The following TRMU variants were observed in gnomAD, a reference collection of about 807,000 sequenced individuals.
The protein encoded by TRMU is tRNA mitochondrial 2-thiouridylase, also known as mitochondrial tRNA-specific 2-thiouridylase 1.
TRMU carries 49 observed loss-of-function variants against 46.9 expected under a neutral mutation model. The observed-to-expected ratio is 1.05, with a 90% confidence interval of 0.83 to 1.33. The LOEUF is 1.33. Ranked by LOEUF, TRMU falls within the 40% of genes most tolerant of loss-of-function variation. TRMU has a pLI of 0.00. For synonymous variants in TRMU, 241 were observed against 200.9 expected, an observed-to-expected ratio of 1.20 and a Z score of -1.69; for missense variants, 572 against 532.4, an observed-to-expected ratio of 1.07 and a Z score of -0.73.
chr22:46,343,465 A>G, intron 3 of TRMU, 97 bp downstream of exon 3: 1 of 885,324 alleles, frequency 1.1e-6, no homozygotes, highest in Non-Finnish European at 1.8e-6. Context: ...GACTCACTGC[A>G]GCCTCGACCT....
At chr22:46,344,313 G>A (rs1308366142) in intron 3 of TRMU, among the ~76,000 whole-genome samples, 1 of 152,198 alleles carries the variant, frequency 6.6e-6, no homozygotes, top group South Asian at 2.1e-4. Flanking sequence ...TGTCTAGGAA[G>A]GGGTGATGCG....
At chr22:46,343,216 A>G (rs755160057) in intron 2 of TRMU, 46 bp from the exon 3 acceptor site, 14 of 1,082,374 alleles carry the variant, frequency 1.3e-5, no homozygotes, top group South Asian at 1.4e-5. Flanking sequence ...TTTTTTTTTG[A>G]GGAATGTTTC....
At chr22:46,352,881 CAG>C (rs1201891343) in intron 7 of TRMU, 2 of 228,076 alleles carry the variant, frequency 8.8e-6, no homozygotes, top group Non-Finnish European at 8.8e-6. Flanking sequence ...GCTGTGGGGA[CAG>C]AGTGCAGCCA....
At chr22:46,352,096 C>A in intron 5 of TRMU, 25 bp from the exon 6 acceptor site, 2 of 1,612,174 alleles carry the variant, frequency 1.2e-6, no homozygotes, top group Non-Finnish European at 1.7e-6. Context: ...CTGCTCCTCT[C>A]ACGGCTGCCG....
chr22:46,355,244 C>T (rs1276316911), intron 8 of TRMU, 200 bp from the exon 9 acceptor site: 5 of 760,126 alleles, frequency 6.6e-6, no homozygotes, highest in Non-Finnish European at 8.6e-6. Flanking sequence ...GGGCCTTAGT[C>T]TCCTCATCTG....
chr22:46,336,170 C>A lies in TRMU; in HGVS notation c.82+324C>A. Reference sequence around the variant, plus strand: ...GGGTTTCTCACGGATCTGCGGCGTCCACATTCACCTGTGAGACCGTGGACA... The same window carrying A: ...GGGTTTCTCACGGATCTGCGGCGTCAACATTCACCTGTGAGACCGTGGACA... On this transcript the variant is annotated intron_variant, in intron 1 of 10. Coordinates refer to ENST00000645190, the MANE Select transcript of TRMU (RefSeq NM_018006.5). The surrounding 1 kb of genome is among the most constrained non-coding windows in gnomAD (Gnocchi z 4.1). The A allele has an allele frequency of 8.1e-7, 1 of 1,238,404 alleles. No homozygotes were observed. The highest frequency in any genetic ancestry group is 4.6e-5 in the East Asian group (1 of 21,788). The allele number at this position is 1,238,404 out of a possible 1,614,324, so 76.7% of individuals were successfully genotyped here. A position where few individuals can be genotyped will look rare whatever the true frequency, so the allele number is the denominator to read the frequency against.
intron 9 of TRMU, 188 bp downstream of exon 9, chr22:46,355,776 G>A (rs565658751): frequency 9.2e-7 from 1 of 1,092,640 alleles, no homozygotes; most frequent in Non-Finnish European, 1.3e-6. Context: ...GGTGCTGGGA[G>A]CAGATGCAGG....
chr22:46,350,229 G>T lies in TRMU; in HGVS notation c.479-62G>T, dbSNP rs2078373822. On this transcript the variant is annotated intron_variant, in intron 4 of 10. Transcript: ENST00000645190. This position sits in a 1 kb window ranked among gnomAD's most constrained non-coding sequence, Gnocchi z 4.6. ...CTGTCTAAGTGAACAGAAGGACATTGTTGAAAGTGAAGTATCATTATTTTT... is the reference window on the plus strand; with the variant it reads ...CTGTCTAAGTGAACAGAAGGACATTTTTGAAAGTGAAGTATCATTATTTTT... 1.9e-6 allele frequency: 3 copies of T among 1,603,228 alleles called. No homozygotes were observed. Among genetic ancestry groups the T allele is most frequent in the African/African-American group, 1.3e-5 (1 of 74,680 alleles).
At position 46,350,226 on chromosome 22, in the gene TRMU, A is replaced by G. The variant is rs1256430585; in HGVS notation, c.479-65A>G. The stretch of plus-strand genomic sequence containing the variant: ...AGTCTGTCTAAGTGAACAGAAGGAC[A>G]TTGTTGAAAGTGAAGTATCATTATT... On this transcript the variant is annotated intron_variant, in intron 4 of 10. Transcript: ENST00000645190. This position sits in a 1 kb window ranked among gnomAD's most constrained non-coding sequence, Gnocchi z 4.6. 6.3e-7 allele frequency: 1 copy of G among 1,597,660 alleles called. No homozygotes were observed. The highest frequency in any genetic ancestry group is 1.3e-5 in the African/African-American group (1 of 74,518).
At chr22:46,353,574 GGACAATGATGAGAT>G in intron 7 of TRMU, 179 bp from the exon 8 acceptor site, 1 of 555,332 alleles carries the variant, frequency 1.8e-6, no homozygotes, top group Non-Finnish European at 3.4e-6. Flanking sequence ...GCCCAGGCCT[GGACAATGATGAGAT>G]GTGCTCAGGT....
chr22:46,352,120 G>A lies in TRMU; in HGVS notation c.652-1G>A, dbSNP rs1443084757. 6.2e-7 allele frequency: 1 copy of A among 1,613,040 alleles called. No homozygotes were observed. Among genetic ancestry groups the A allele is most frequent in the East Asian group, 2.2e-5 (1 of 44,898 alleles). ...TCACGGCTGCCGTCTTCTCATTTCA[G>A]AGCATGGGCATGTGTTTCATCGGGA... On this transcript the variant is annotated splice_acceptor_variant, in intron 5 of 10. Coordinates refer to ENST00000645190, the MANE Select transcript of TRMU (RefSeq NM_018006.5). LOFTEE classifies it high-confidence loss of function.
intron 7 of TRMU, chr22:46,353,024 C>T (rs745573985): frequency 5.5e-5 from 9 of 162,980 alleles, no homozygotes; most frequent in African/African-American, 2.2e-4. Flanking sequence ...GGGCGTCTTG[C>T]AGTGAATTGC....
intron 2 of TRMU, among the ~76,000 whole-genome samples, chr22:46,341,581 T>TA (rs1399670919): frequency 6.6e-6 from 1 of 152,098 alleles, no homozygotes; most frequent in African/African-American, 2.4e-5. Flanking sequence ...GTTTTTTTTT[T>TA]AACCCTTGTT....
intron 7 of TRMU, chr22:46,353,438 G>A (rs1212455184): frequency 1.4e-5 from 5 of 361,002 alleles, no homozygotes; most frequent in Non-Finnish European, 2.7e-5. Context: ...TCAGCAAGAA[G>A]GGCCCCTGGC....
At chr22:46,352,820 TGTGCCTG>T (rs1345520366) in intron 7 of TRMU, 5 of 268,214 alleles carry the variant, frequency 1.9e-5, no homozygotes, top group African/African-American at 8.8e-5. Flanking sequence ...GAGCCTGTGC[TGTGCCTG>T]GTGTCAGGGG....
intron 8 of TRMU, chr22:46,355,060 G>A: frequency 3.1e-6 from 1 of 321,732 alleles, no homozygotes; most frequent in Non-Finnish European, 5.9e-6. Flanking sequence ...CCGTGGTGTG[G>A]CTGGCCCCTG....
chr22:46,353,273 T>C (rs1261647486), intron 7 of TRMU: 1 of 195,470 alleles, frequency 5.1e-6, no homozygotes, highest in Non-Finnish European at 1.1e-5. Flanking sequence ...CCCATGAGGT[T>C]CTCTCTGCCT....
intron 7 of TRMU, 104 bp downstream of exon 7, chr22:46,352,434 G>A: frequency 7.0e-7 from 1 of 1,426,456 alleles, no homozygotes; most frequent in Non-Finnish European, 9.9e-7. Flanking sequence ...CCACTTGGCT[G>A]GAGAATTGTA....
chr22:46,335,864 C>T lies in TRMU; in HGVS notation c.82+18C>T, dbSNP rs2077958614. The T allele has an allele frequency of 6.5e-6, 10 of 1,532,016 alleles. No individual in the cohort carries two copies. The highest frequency in any genetic ancestry group is 1.2e-5 in the South Asian group (1 of 83,674). 94.9% of individuals were successfully genotyped at this position (1,532,016 alleles called of 1,614,324 possible). Reference sequence around the variant, plus strand: ...GCGGAGAGGTGAGGCGTCCGAGGCTCCCGCCCCCCGCCGAGCGAATGTGTC... The same window carrying T: ...GCGGAGAGGTGAGGCGTCCGAGGCTTCCGCCCCCCGCCGAGCGAATGTGTC... On this transcript the variant is annotated intron_variant, in intron 1 of 10. Transcript: ENST00000645190.
Sources: gnomAD v4.1 joint callset for allele counts (sites outside exome capture counted in the v4.1 genomes callset) on GRCh38, gnomAD v4.1.1 for gene constraint, Gnocchi (gnomAD v3.1) non-coding constraint, MANE v1.5 for transcripts, NCBI Gene and HGNC (gene_info 2026-07-23, HGNC 2026-07-21) for gene names.